The following ZNF778 variants were observed in gnomAD, a reference collection of about 807,000 sequenced individuals.
ZNF778 encodes zinc finger protein 778.
In ZNF778, 37 loss-of-function variants were observed where a neutral mutation model predicts 23.9. That is an observed-to-expected ratio of 1.54 (90% CI 1.19 to 2.03). The LOEUF is 2.03. ZNF778 is among the 30% of genes most tolerant of loss of function. ZNF778 has a pLI of 0.00. For missense variants in ZNF778, 1,297 were observed against 934.4 expected (o/e 1.39, Z -5.06); for synonymous variants, 483 against 343.9 (o/e 1.40, Z -4.48).
Position 89,234,004 on chromosome 16 carries a change from T to A in ZNF778, c.*5442T>A. Reference sequence around the variant, plus strand: ...ACTTCATCCTGCCCTGTCCTGCCTTTCCTGTGAAAACCCTGTGGCCTCTGC... The same window carrying A: ...ACTTCATCCTGCCCTGTCCTGCCTTACCTGTGAAAACCCTGTGGCCTCTGC... On this transcript the variant is annotated 3_prime_UTR_variant, in exon 7 of 7. Transcript: ENST00000433976. 8.4e-7 allele frequency: 1 copy of A among 1,185,180 alleles called. No homozygotes were observed. The highest frequency in any genetic ancestry group is 1.1e-6 in the Non-Finnish European group (1 of 893,768). The allele number at this position is 1,185,180 out of a possible 1,614,324, so 73.4% of individuals were successfully genotyped here.
intron 3 of ZNF778, among the ~76,000 whole-genome samples, chr16:89,222,675 C>T (rs535543233): frequency 6.6e-6 from 1 of 152,316 alleles, no homozygotes; most frequent in East Asian, 1.9e-4. Context: ...CAACATTACT[C>T]ATTATTTTCA....
chr16:89,235,230 C>T lies in ZNF778; in HGVS notation c.*6668C>T, dbSNP rs145344067. 1.6e-4 allele frequency: 25 copies of T among 152,258 alleles called. No homozygotes were observed. Among genetic ancestry groups the T allele is most frequent in the Non-Finnish European group, 2.6e-4 (18 of 68,038 alleles). 9.4% of individuals were successfully genotyped at this position (152,258 alleles called of 1,614,324 possible). Reference sequence around the variant, plus strand: ...CCTGGAGGGTCCCAGAAGCTTGGCACCAGCACCCACTAGGCTCCAGATCGG... The same window carrying T: ...CCTGGAGGGTCCCAGAAGCTTGGCATCAGCACCCACTAGGCTCCAGATCGG... On this transcript the variant is annotated 3_prime_UTR_variant, in exon 7 of 7. Coordinates refer to ENST00000433976, the MANE Select transcript of ZNF778 (RefSeq NM_001201407.2).
At position 89,222,123 on chromosome 16, in the gene ZNF778, T is replaced by C; in HGVS notation, c.57T>C (p.Leu19=). Residue 19 remains leucine (L), a synonymous_variant, in exon 3 of 7, where the codon CTT becomes CTC. Transcript: ENST00000433976. ...ATGTTTCTAGGGACTCAGTCTGCCTTCATGAAGAACAGACACAGGCAGCAG... is the reference window on the plus strand; with the variant it reads ...ATGTTTCTAGGGACTCAGTCTGCCTCCATGAAGAACAGACACAGGCAGCAG... ...GGHVSRDSVC[L]HEEQTQAAGM... is the part of the protein sequence containing the mutation. 6.2e-7 allele frequency: 1 copy of C among 1,605,618 alleles called. No homozygotes were observed. The highest frequency in any genetic ancestry group is 8.5e-7 in the Non-Finnish European group (1 of 1,174,584).
In ZNF778 at chr16:89,234,955, A is replaced by G. The variant is rs747103372; in HGVS notation, c.*6393A>G. The G allele has an allele frequency of 1.3e-5, 2 of 152,156 alleles. No individual in the cohort carries two copies. The highest frequency in any genetic ancestry group is 1.9e-4 in the East Asian group (1 of 5,194). The allele number at this position is 152,156 out of a possible 1,614,324, so 9.4% of individuals were successfully genotyped here. A position where few individuals can be genotyped will look rare whatever the true frequency, so the allele number is the denominator to read the frequency against. Reference sequence around the variant, plus strand: ...ATATTTCTTAATTTTGGCATACTCAAATTTATACAACCTTTCCTTTATCTT... The same window carrying G: ...ATATTTCTTAATTTTGGCATACTCAGATTTATACAACCTTTCCTTTATCTT... On this transcript the variant is annotated 3_prime_UTR_variant, in exon 7 of 7. Coordinates refer to ENST00000433976, the MANE Select transcript of ZNF778 (RefSeq NM_001201407.2).
Position 89,233,020 on chromosome 16 carries a change from T to C in ZNF778, c.*4458T>C, listed in dbSNP as rs112748759. The C allele has an allele frequency of 2.6e-4, 331 of 1,270,898 alleles. 21 individuals carry two copies. In the African/African-American group the frequency reaches 5.0e-3, roughly 19 times the overall value. The allele number at this position is 1,270,898 out of a possible 1,614,324, so 78.7% of individuals were successfully genotyped here. A position where few individuals can be genotyped will look rare whatever the true frequency, so the allele number is the denominator to read the frequency against. On this transcript the variant is annotated 3_prime_UTR_variant, in exon 7 of 7. Transcript: ENST00000433976. ...ACCCAGCTCGCTCTGCGTATGCAAC[T>C]CAAGTCGCACTGCGTATGCAACTCA...
Position 89,227,297 on chromosome 16 carries a change from T to C in ZNF778, c.1009T>C (p.Cys337Arg), listed in dbSNP as rs142816229. ...AAGAATTCATGCTGCAGAGAAACCCTGTGAATGTAAAGAATGCGGAAAAGC... is the reference window on the plus strand; with the variant it reads ...AAGAATTCATGCTGCAGAGAAACCCCGTGAATGTAAAGAATGCGGAAAAGC... ...HVRIHAAEKP[C>R]ECKECGKAFT... The change falls in exon 7 of 7, where the codon TGT (cysteine) becomes CGT (arginine). Residue 337 changes from cysteine (C) to arginine (R), a missense_variant. By Grantham distance (180) the Cys-to-Arg change is radical. Transcript: ENST00000433976. The C allele has an allele frequency of 8.1e-6, 13 of 1,613,944 alleles. No individual in the cohort carries two copies. Among genetic ancestry groups the C allele is most frequent in the Non-Finnish European group, 1.1e-5 (13 of 1,179,816 alleles).
At chr16:89,222,540 T>C (rs2031057884) in intron 3 of ZNF778, among the ~76,000 whole-genome samples, 1 of 152,136 alleles carries the variant, frequency 6.6e-6, no homozygotes, top group East Asian at 1.9e-4. Context: ...ATTTTTGTAT[T>C]TTTAGTAGAG....
At position 89,233,798 on chromosome 16, in the gene ZNF778, C is replaced by T. The variant is rs1420015352; in HGVS notation, c.*5236C>T. ...AACTCGCACTGCGTATGCAACTCAG[C>T]TCGCACTGCGTATGCAACTCAACTG... On this transcript the variant is annotated 3_prime_UTR_variant, in exon 7 of 7. Transcript: ENST00000433976. 1.5e-6 allele frequency: 2 copies of T among 1,290,846 alleles called. No homozygotes were observed. The highest frequency in any genetic ancestry group is 4.6e-5 in the Admixed American group (2 of 43,582). The allele number at this position is 1,290,846 out of a possible 1,614,324, so 80.0% of individuals were successfully genotyped here.
chr16:89,224,761 A>G lies in ZNF778; in HGVS notation c.287A>G (p.Gln96Arg), dbSNP rs1354287244. ...CCCAGTGTGATCTATTGGCTGGAGCAGGAAGAGGAGTTGAGGGCAGGGCGG... is the reference window on the plus strand; with the variant it reads ...CCCAGTGTGATCTATTGGCTGGAGCGGGAAGAGGAGTTGAGGGCAGGGCGG... ...FQPSVIYWLE[Q>R]EEELRAGRRA... is the part of the protein sequence containing the mutation. The change falls in exon 5 of 7, where the codon CAG becomes CGG. Residue 96 changes from glutamine (Q) to arginine (R), a missense_variant. Transcript: ENST00000433976. The G allele has an allele frequency of 2.6e-6, 4 of 1,533,774 alleles. No homozygotes were observed. The Admixed American group carries it at 7.9e-5, about 30-fold the overall frequency.
chr16:89,218,262 A>G (rs2030553075), intron 1 of ZNF778: 1 of 152,284 alleles, frequency 6.6e-6, no homozygotes, highest in Admixed American at 6.5e-5. Flanking sequence ...TCTAATAAAA[A>G]TGTGAACATC....
chr16:89,218,427 C>T (rs1318290106), intron 1 of ZNF778: 1 of 152,214 alleles, frequency 6.6e-6, no homozygotes, highest in East Asian at 1.9e-4. Context: ...CCTTTAAATA[C>T]TTGGTAAAGC....
Position 89,229,295 on chromosome 16 carries a change from A to C in ZNF778, c.*733A>C. 1.0e-6 allele frequency: 1 copy of C among 984,904 alleles called. No homozygotes were observed. Among genetic ancestry groups the C allele is most frequent in the Non-Finnish European group, 1.2e-6 (1 of 829,984 alleles). 61.0% of individuals were successfully genotyped at this position (984,904 alleles called of 1,614,324 possible). ...TGGTTGGTTAGTCTTGAGGATCCAG[A>C]TGTGATTCTGTGAGCAGTGTAAGCT... On this transcript the variant is annotated 3_prime_UTR_variant, in exon 7 of 7. Transcript: ENST00000433976.
Position 89,222,139 on chromosome 16 carries a change from C to G in ZNF778, c.73C>G (p.Gln25Glu). The change falls in exon 3 of 7, where the codon CAG (glutamine) becomes GAG (glutamate). Residue 25 changes from glutamine to glutamate, a missense_variant. By Grantham distance (29) the Gln-to-Glu change is conservative (BLOSUM62 2). Coordinates refer to ENST00000433976, the MANE Select transcript of ZNF778 (RefSeq NM_001201407.2). ...DSVCLHEEQT[Q>E]AAGMVAGWLI... ...AGTCTGCCTTCATGAAGAACAGACA[C>G]AGGCAGCAGGGATGGTGGCTGGCTG... is the stretch of plus-strand genomic sequence containing the variant. 6.2e-7 allele frequency: 1 copy of G among 1,606,724 alleles called. No individual in the cohort carries two copies. Among genetic ancestry groups the G allele is most frequent in the Non-Finnish European group, 8.5e-7 (1 of 1,175,548 alleles).
rs1008445244 is a variant in ZNF778, at chr16:89,229,864, C to G, written c.*1302C>G. On this transcript the variant is annotated 3_prime_UTR_variant, in exon 7 of 7. Transcript: ENST00000433976. ...GCAGCGTAGGCTCTGGTTGGTTAGT[C>G]TTGAGGATCCAGATGTGATCCTGTG... is the stretch of plus-strand genomic sequence containing the variant. 9 of 982,632 alleles carry G rather than the reference C, an allele frequency of 9.2e-6. No individual in the cohort carries two copies. Among genetic ancestry groups the G allele is most frequent in the Admixed American group, 6.2e-5 (1 of 16,098 alleles). 60.9% of individuals were successfully genotyped at this position (982,632 alleles called of 1,614,324 possible).
rs55974122 is a variant in ZNF778, at chr16:89,228,419, A to G, written c.2131A>G (p.Asn711Asp). Residue 711 changes from asparagine to aspartate, a missense_variant, in exon 7 of 7, where the codon AAT (asparagine) becomes GAT (aspartate). Coordinates refer to ENST00000433976, the MANE Select transcript of ZNF778 (RefSeq NM_001201407.2). Reference protein sequence around the residue: ...YKCKECGKAYNRFYLLKEHLK... With the variant: ...YKCKECGKAYDRFYLLKEHLK... ...ATGTAAGGAATGTGGGAAAGCATAC[A>G]ATAGGTTTTATCTACTAAAAGAACA... 0.047 allele frequency: 75,074 copies of G among 1,613,860 alleles called. 2,765 individuals carry two copies. The highest frequency in any genetic ancestry group is 0.18 in the East Asian group (7,879 of 44,880).
intron 1 of ZNF778, among the ~76,000 whole-genome samples, chr16:89,220,516 G>A (rs924274994): frequency 6.6e-6 from 1 of 152,170 alleles, no homozygotes; most frequent in Non-Finnish European, 1.5e-5. Flanking sequence ...AAATTAGCTG[G>A]GTGTGGTGGC....
At chr16:89,219,310 T>G (rs1037975099) in intron 1 of ZNF778, among the ~76,000 whole-genome samples, 1 of 152,218 alleles carries the variant, frequency 6.6e-6, no homozygotes, top group Non-Finnish European at 1.5e-5. Flanking sequence ...GACTTTGGTG[T>G]TGTTTTCTCG....
chr16:89,223,590 C>G (rs1239105142), intron 4 of ZNF778, among the ~76,000 whole-genome samples: 3 of 152,206 alleles, frequency 2.0e-5, no homozygotes, highest in Admixed American at 1.3e-4. Context: ...CCAATTCACT[C>G]TAACACTGAG....
chr16:89,224,490 G>A (rs957499086), intron 4 of ZNF778: 5 of 406,824 alleles, frequency 1.2e-5, no homozygotes, highest in Non-Finnish European at 2.3e-5. Flanking sequence ...GTGGTGGCGG[G>A]CACCTATAGT....
Sources: gnomAD v4.1 joint callset for allele counts (sites outside exome capture counted in the v4.1 genomes callset) on GRCh38, gnomAD v4.1.1 for gene constraint, MANE v1.5 for transcripts, NCBI Gene and HGNC (gene_info 2026-07-23, HGNC 2026-07-21) for gene names.